The following ARHGAP5 variants were observed in gnomAD, a reference collection of about 807,000 sequenced individuals.
ARHGAP5 encodes the protein rho GTPase-activating protein 5.
Under a neutral mutation model 116.6 loss-of-function variants are expected in ARHGAP5, and 23 were observed. The ratio of observed to expected loss-of-function variants is 0.20; its 90% confidence interval spans 0.14 to 0.28. ARHGAP5 has a LOEUF of 0.28. Among genes scored for constraint, ARHGAP5 ranks in the 10% least tolerant of loss-of-function variants. ARHGAP5 has a pLI of 1.00. For missense variants in ARHGAP5, 1,405 were observed against 1,774.8 expected (o/e 0.79, Z 3.74); for synonymous variants, 574 against 602.0 (o/e 0.95, Z 0.68).
intron 1 of ARHGAP5, among the ~76,000 whole-genome samples, chr14:32,089,774 C>T (rs940175402): frequency 2.0e-5 from 3 of 151,492 alleles, no homozygotes; most frequent in Non-Finnish European, 4.4e-5. Context: ...ATCAAGGCTT[C>T]GATGTAAAAA....
chr14:32,119,789 T>G lies in ARHGAP5; in HGVS notation c.3865+2502T>G, dbSNP rs138075873. Among the ~76,000 whole-genome samples the G allele has an allele frequency of 2.8e-3, 428 of 152,268 alleles. 4 individuals are homozygous for G. The highest frequency in any genetic ancestry group is 9.8e-3 in the African/African-American group (406 of 41,580). On this transcript the variant is annotated intron_variant, in intron 3 of 6. Transcript: ENST00000345122. ...TTGTTTTTTGCTGTGGATTGTGAATTACATTGATTTTTCACATTAAACTAA... is the reference window on the plus strand; with the variant it reads ...TTGTTTTTTGCTGTGGATTGTGAATGACATTGATTTTTCACATTAAACTAA...
At chr14:32,123,703 C>G (rs963493658) in intron 3 of ARHGAP5, among the ~76,000 whole-genome samples, 20 of 152,014 alleles carry the variant, frequency 1.3e-4, no homozygotes, top group Admixed American at 4.6e-4. Context: ...CTCGGTGCTT[C>G]TCCTTGGCTG....
intron 3 of ARHGAP5, among the ~76,000 whole-genome samples, chr14:32,124,803 G>C (rs891947406): frequency 6.6e-6 from 1 of 152,094 alleles, no homozygotes. Flanking sequence ...TATGATTTTG[G>C]TAATTGTCAG....
At chr14:32,106,649 C>T (rs114624293) in intron 2 of ARHGAP5, among the ~76,000 whole-genome samples, 2,781 of 152,222 alleles carry the variant, frequency 0.018, 92 homozygotes, top group African/African-American at 0.064. Flanking sequence ...GTTCCAAATA[C>T]GTGAGTTAGG....
intron 4 of ARHGAP5, among the ~76,000 whole-genome samples, chr14:32,148,803 T>G (rs376232325): frequency 7.9e-5 from 12 of 152,280 alleles, no homozygotes; most frequent in African/African-American, 2.4e-4. Context: ...TGGGGAAATT[T>G]TTTTTCTTTT....
At chr14:32,124,229 C>G (rs954605586) in intron 3 of ARHGAP5, among the ~76,000 whole-genome samples, 1 of 152,096 alleles carries the variant, frequency 6.6e-6, no homozygotes, top group African/African-American at 2.4e-5. Flanking sequence ...CCTCATGGAT[C>G]ATGGTTTTGA....
chr14:32,091,750 T>C lies in ARHGAP5; in HGVS notation c.1081T>C (p.Trp361Arg). 6.2e-7 allele frequency: 1 copy of C among 1,613,486 alleles called. No homozygotes were observed. Among genetic ancestry groups the C allele is most frequent in the East Asian group, 2.2e-5 (1 of 44,864 alleles). ...PNLEEIEHLN[W>R]SEALKLMEKR... ...TCTAGAAGAGATTGAACATTTGAATTGGTCAGAAGCTTTGAAGTTAATGGA... is the reference window on the plus strand; with the variant it reads ...TCTAGAAGAGATTGAACATTTGAATCGGTCAGAAGCTTTGAAGTTAATGGA... Residue 361 changes from tryptophan (W) to arginine (R), a missense_variant, in exon 2 of 7, where the codon TGG (tryptophan) becomes CGG (arginine). By Grantham distance (101) the Trp-to-Arg change is moderately radical. Around this residue, in one of 6 missense-constraint regions of ARHGAP5, gnomAD observed 944 missense variants for 1,095.3 expected, o/e 0.86. Coordinates refer to ENST00000345122, the MANE Select transcript of ARHGAP5 (RefSeq NM_001030055.2).
At chr14:32,147,019 TAAATCCATCACCAGATTTAG>T (rs1881409563) in intron 4 of ARHGAP5, among the ~76,000 whole-genome samples, 1 of 152,196 alleles carries the variant, frequency 6.6e-6, no homozygotes, top group African/African-American at 2.4e-5. Flanking sequence ...TGAACCTGTA[TAAATCCATCACCAGATTTAG>T]AAAAGCAGTA....
At chr14:32,127,403 T>G (rs532234937) in intron 3 of ARHGAP5, among the ~76,000 whole-genome samples, 14 of 152,212 alleles carry the variant, frequency 9.2e-5, no homozygotes, top group African/African-American at 3.4e-4. Flanking sequence ...CTTCAAGCAT[T>G]TGTTTAACAA....
chr14:32,133,668 A>G (rs940599337), intron 3 of ARHGAP5, among the ~76,000 whole-genome samples: 2 of 152,228 alleles, frequency 1.3e-5, no homozygotes, highest in Non-Finnish European at 2.9e-5. Flanking sequence ...GCCCGTTTTC[A>G]AAGGGAATGC....
At chr14:32,117,112 G>C (rs756368158) in intron 2 of ARHGAP5, 28 bp from the exon 3 acceptor site, 3 of 1,540,180 alleles carry the variant, frequency 1.9e-6, no homozygotes, top group South Asian at 2.4e-5. Context: ...AATTTTAATA[G>C]TGTTAACTTA....
Position 32,091,356 on chromosome 14 carries a change from A to G in ARHGAP5, c.687A>G (p.Ala229=), listed in dbSNP as rs1359982026. 2.5e-6 allele frequency: 4 copies of G among 1,613,040 alleles called. No individual in the cohort carries two copies. The highest frequency in any genetic ancestry group is 3.3e-5 in the Admixed American group (2 of 59,890). ...ACCTTCTTGTAGTGGAAACATCAGC[A>G]CGATTTAATGTCAACATTGAAACAT... is the stretch of plus-strand genomic sequence containing the variant. ...KKNLLVVETS[A]RFNVNIETCF... Residue 229 remains alanine (A), a synonymous_variant, in exon 2 of 7, where the codon GCA becomes GCG. Coordinates refer to ENST00000345122, the MANE Select transcript of ARHGAP5 (RefSeq NM_001030055.2).
chr14:32,144,727 A>T (rs1389828558), intron 3 of ARHGAP5, among the ~76,000 whole-genome samples: 3 of 151,990 alleles, frequency 2.0e-5, no homozygotes, highest in Admixed American at 6.5e-5. Flanking sequence ...CAAGTGATCC[A>T]CCCACCTCAG....
At chr14:32,140,502 AC>A (rs1394799727) in intron 3 of ARHGAP5, among the ~76,000 whole-genome samples, 1 of 152,086 alleles carries the variant, frequency 6.6e-6, no homozygotes, top group Admixed American at 6.6e-5. Flanking sequence ...AGGCAGGAGA[AC>A]GGTGTGAACC....
chr14:32,107,166 A>G (rs1879057444), intron 2 of ARHGAP5, among the ~76,000 whole-genome samples: 1 of 152,230 alleles, frequency 6.6e-6, no homozygotes, highest in Non-Finnish European at 1.5e-5. Context: ...CTAACATGCT[A>G]TGCACATAGT....
chr14:32,146,200 T>C (rs1306726153), intron 3 of ARHGAP5, 63 bp from the exon 4 acceptor site: 4 of 1,249,332 alleles, frequency 3.2e-6, no homozygotes, highest in Middle Eastern at 1.9e-4. Flanking sequence ...CATGAGCCAC[T>C]GTGCCCAGCC....
chr14:32,077,949 C>G (rs1194165640), intron 1 of ARHGAP5, among the ~76,000 whole-genome samples: 1 of 152,134 alleles, frequency 6.6e-6, no homozygotes, highest in Non-Finnish European at 1.5e-5. Context: ...CTTTCACTTT[C>G]CCTCATCTCC....
intron 3 of ARHGAP5, among the ~76,000 whole-genome samples, chr14:32,144,822 C>T (rs1428925609): frequency 6.6e-6 from 1 of 152,124 alleles, no homozygotes; most frequent in African/African-American, 2.4e-5. Context: ...TATTCTGTTT[C>T]TTTGCTGAAA....
chr14:32,122,145 G>A (rs559779050), intron 3 of ARHGAP5, among the ~76,000 whole-genome samples: 1 of 152,282 alleles, frequency 6.6e-6, no homozygotes, highest in East Asian at 1.9e-4. Context: ...ATTCCCATCA[G>A]CAGTGTGAGT....
Sources: gnomAD v4.1 joint callset for allele counts (sites outside exome capture counted in the v4.1 genomes callset) on GRCh38, gnomAD v4.1.1 for gene constraint, gnomAD v4.1.1 regional missense constraint, MANE v1.5 for transcripts, NCBI Gene and HGNC (gene_info 2026-07-23, HGNC 2026-07-21) for gene names.